The following EPS8 variants were observed in gnomAD, a reference collection of about 807,000 sequenced individuals.
EPS8 encodes the protein epidermal growth factor receptor kinase substrate 8.
EPS8 carries 42 observed loss-of-function variants against 103.8 expected under a neutral mutation model. The observed-to-expected ratio is 0.40, with a 90% CI of 0.32 to 0.52. EPS8 has a LOEUF of 0.52. EPS8 is among the 20% of genes least tolerant of loss of function. EPS8 has a pLI of 0.40. For missense variants in EPS8, 969 were observed against 1,005.1 expected, an observed-to-expected ratio of 0.96 and a Z score of 0.49; for synonymous variants, 344 against 344.6, an observed-to-expected ratio of 1.00 and a Z score of 0.02.
At position 15,734,077 on chromosome 12, in the gene EPS8, T is replaced by A. The variant is rs1321122765; in HGVS notation, c.-21-51105A>T. Among the ~76,000 whole-genome samples, 1 of 152,046 alleles carries A rather than the reference T, an allele frequency of 6.6e-6. No individual in the cohort carries two copies. The highest frequency in any genetic ancestry group is 2.4e-5 in the African/African-American group (1 of 41,408). ...CTAGTCTCAAACTCCTGAGCTCAAG[T>A]AATCCTCCCATCTCAGCCTCCCCAA... On this transcript the variant is annotated intron_variant, in intron 1 of 20. Transcript: ENST00000281172. The surrounding 1 kb of genome is among the most constrained non-coding windows in gnomAD (Gnocchi z 4.1).
chr12:15,662,482 T>C (rs1945623114), intron 8 of EPS8: 1 of 999,516 alleles, frequency 1.0e-6, no homozygotes, highest in Non-Finnish European at 1.2e-6. Context: ...AACTAAGTTC[T>C]AATGCAACAG....
In EPS8 at chr12:15,631,668, TAA is replaced by T. The variant is rs1565468412; in HGVS notation, c.1822-6_1822-5del. 6.3e-7 allele frequency: 1 copy of T among 1,598,932 alleles called. No individual in the cohort carries two copies. Among genetic ancestry groups the T allele is most frequent in the Non-Finnish European group, 8.5e-7 (1 of 1,172,358 alleles). ...GGCCATACTCCATCCTTTGTTTCTA[TAA>T]AAAGACAAATAATTAACTTAAAATT... On this transcript the variant is annotated splice_region_variant and splice_polypyrimidine_tract_variant and intron_variant, in intron 17 of 20. Transcript: ENST00000281172.
chr12:15,729,730 T>G (rs1946693140), intron 1 of EPS8, among the ~76,000 whole-genome samples: 2 of 152,210 alleles, frequency 1.3e-5, no homozygotes, highest in South Asian at 4.1e-4. Flanking sequence ...TGTTGGAGAT[T>G]TACTTATCTT....
rs185227742 is a variant in EPS8, at chr12:15,668,819, C to T, written c.516+568G>A. 2.0e-3 allele frequency among the ~76,000 whole-genome samples: 298 copies of T among 152,252 alleles called. 2 individuals carry two copies. The highest frequency in any genetic ancestry group is 6.7e-3 in the African/African-American group (280 of 41,542). ...CCACAAAGCAAGATTTCTGAACAAT[C>T]AATTTTTAATTATAAGTTTAAGGCA... is the stretch of plus-strand genomic sequence containing the variant. On this transcript the variant is annotated intron_variant, in intron 6 of 20. Coordinates refer to ENST00000281172, the MANE Select transcript of EPS8 (RefSeq NM_004447.6).
Position 15,778,487 on chromosome 12 carries a change from A to G in EPS8, c.-22+10674T>C, listed in dbSNP as rs999256411. Among the ~76,000 whole-genome samples, 1 of 152,246 alleles carries G rather than the reference A, an allele frequency of 6.6e-6. No individual in the cohort carries two copies. Among genetic ancestry groups the G allele is most frequent in the Admixed American group, 6.5e-5 (1 of 15,290 alleles). On this transcript the variant is annotated intron_variant, in intron 1 of 20. Transcript: ENST00000281172. The surrounding 1 kb of genome is among the most constrained non-coding windows in gnomAD (Gnocchi z 4.5). ...AAAAGGATCTTGATGTGCAAAAAAC[A>G]AAACAAAAACACTGTAGTTTATGGT...
chr12:15,653,020 TCTTAC>T (rs2135791756), intron 13 of EPS8, among the ~76,000 whole-genome samples: 2 of 152,330 alleles, frequency 1.3e-5, no homozygotes, highest in African/African-American at 2.4e-5. Flanking sequence ...AGAAATATTT[TCTTAC>T]CTTGCCTTGC....
chr12:15,663,813 T>C (rs1211926463), intron 8 of EPS8, among the ~76,000 whole-genome samples: 1 of 149,852 alleles, frequency 6.7e-6, no homozygotes, highest in East Asian at 2.0e-4. Context: ...TCCCAGCTAC[T>C]TGGGAGGCTG....
chr12:15,687,452 C>T (rs10846231), intron 1 of EPS8, among the ~76,000 whole-genome samples: 24,414 of 152,034 alleles, frequency 0.16, 2,682 homozygotes, highest in Admixed American at 0.33. Context: ...TAAGTCAACA[C>T]AATAAAATCA....
At chr12:15,715,736 G>T (rs1325645417) in intron 1 of EPS8, among the ~76,000 whole-genome samples, 1 of 151,816 alleles carries the variant, frequency 6.6e-6, no homozygotes, top group African/African-American at 2.4e-5. Context: ...TGATCTGCTG[G>T]CCTCGGCCTC....
intron 15 of EPS8, among the ~76,000 whole-genome samples, chr12:15,642,160 G>T (rs920989073): frequency 1.3e-5 from 2 of 151,866 alleles, no homozygotes; most frequent in Non-Finnish European, 2.9e-5. Context: ...TACCATAAAA[G>T]AACTAGATAA....
intron 1 of EPS8, among the ~76,000 whole-genome samples, chr12:15,753,664 A>G (rs2136021687): frequency 6.6e-6 from 1 of 152,330 alleles, no homozygotes; most frequent in East Asian, 1.9e-4. Context: ...ACGTATTTCT[A>G]GTGATCAAAA....
intron 10 of EPS8, among the ~76,000 whole-genome samples, chr12:15,659,723 A>T (rs1216017720): frequency 6.6e-6 from 1 of 152,194 alleles, no homozygotes; most frequent in Non-Finnish European, 1.5e-5. Context: ...ATATCTTTCA[A>T]TCTCTACCAT....
intron 18 of EPS8, among the ~76,000 whole-genome samples, chr12:15,631,163 G>A (rs976723510): frequency 2.6e-5 from 4 of 152,130 alleles, no homozygotes; most frequent in African/African-American, 9.7e-5. Flanking sequence ...TGTTGTTTTG[G>A]TATACAAATT....
intron 1 of EPS8, among the ~76,000 whole-genome samples, chr12:15,726,020 T>G (rs1946649120): frequency 6.6e-6 from 1 of 152,172 alleles, no homozygotes; most frequent in African/African-American, 2.4e-5. Context: ...TACTTAAATA[T>G]AAGATCAGAA....
intron 17 of EPS8, among the ~76,000 whole-genome samples, chr12:15,633,856 T>C (rs1945091474): frequency 6.6e-6 from 1 of 152,148 alleles, no homozygotes; most frequent in Non-Finnish European, 1.5e-5. Flanking sequence ...TGGTTTGAAA[T>C]TCTTCATGTG....
intron 1 of EPS8, among the ~76,000 whole-genome samples, chr12:15,699,481 G>T (rs959386481): frequency 1.3e-5 from 2 of 152,202 alleles, no homozygotes; most frequent in East Asian, 3.9e-4. Flanking sequence ...TTTCCTGCAG[G>T]ATCATATATT....
Position 15,654,886 on chromosome 12 carries a change from T to C in EPS8, c.1102-593A>G, listed in dbSNP as rs186137329. 7.9e-5 allele frequency among the ~76,000 whole-genome samples: 12 copies of C among 152,252 alleles called. No individual in the cohort carries two copies. The East Asian group carries it at 1.4e-3, about 17-fold the overall frequency. On this transcript the variant is annotated intron_variant, in intron 12 of 20. Coordinates refer to ENST00000281172, the MANE Select transcript of EPS8 (RefSeq NM_004447.6). The stretch of plus-strand genomic sequence containing the variant: ...CTCTGATTTAATATGGATAATTTAA[T>C]GACAGCAGAAACAAACAGGTGCAAT...
Position 15,717,294 on chromosome 12 carries a change from CA to C in EPS8, c.-21-34323del, listed in dbSNP as rs1366667085. 1.3e-5 allele frequency among the ~76,000 whole-genome samples: 2 copies of C among 151,672 alleles called. No individual in the cohort carries two copies. The highest frequency in any genetic ancestry group is 4.8e-5 in the African/African-American group (2 of 41,296). Reference sequence around the variant, plus strand: ...GAGCTAGGATTAAAGGTAGAAAAAACAAAAAAAGGGAGCCAGGCACAGTGGT... The same window carrying C: ...GAGCTAGGATTAAAGGTAGAAAAAACAAAAAAGGGAGCCAGGCACAGTGGT... On this transcript the variant is annotated intron_variant, in intron 1 of 20. Transcript: ENST00000281172. This position sits in a 1 kb window ranked among gnomAD's most constrained non-coding sequence, Gnocchi z 4.3.
intron 14 of EPS8, 97 bp downstream of exon 14, chr12:15,650,726 T>A (rs768269571): frequency 1.9e-6 from 2 of 1,026,528 alleles, no homozygotes; most frequent in Non-Finnish European, 2.9e-6. Flanking sequence ...CTAGAACAAT[T>A]TTCAGTTGAA....
Sources: gnomAD v4.1 joint callset for allele counts (sites outside exome capture counted in the v4.1 genomes callset) on GRCh38, gnomAD v4.1.1 for gene constraint, Gnocchi (gnomAD v3.1) non-coding constraint, MANE v1.5 for transcripts, NCBI Gene and HGNC (gene_info 2026-07-23, HGNC 2026-07-21) for gene names.